Variants in TRPM8 observed in about 807,000 individuals in gnomAD.
TRPM8 encodes the protein TRPM8 cationic channel.
In TRPM8, 110 loss-of-function variants were observed where a neutral mutation model predicts 133.7. The observed-to-expected ratio is 0.82, with a 90% CI of 0.70 to 0.96. The LOEUF (loss-of-function observed/expected upper bound fraction) is 0.96. TRPM8 is among the 40% of genes least tolerant of loss of function. The pLI is 0.00. For synonymous variants in TRPM8, 535 were observed against 532.3 expected (o/e 1.01, Z -0.07); for missense variants, 1,291 against 1,379.5 (o/e 0.94, Z 1.02).
intron 9 of TRPM8, among the ~76,000 whole-genome samples, chr2:233,950,912 T>G (rs947826723): frequency 1.3e-5 from 2 of 152,164 alleles, no homozygotes; most frequent in African/African-American, 4.8e-5. Context: ...TCTGAACATA[T>G]AAACAGGGCT....
chr2:234,009,553 C>G (rs1033543388), intron 24 of TRPM8, among the ~76,000 whole-genome samples: 2 of 152,102 alleles, frequency 1.3e-5, no homozygotes, highest in Admixed American at 1.3e-4. Flanking sequence ...TGACCTGACT[C>G]CTAGGGTCCA....
chr2:233,970,168 T>C, intron 16 of TRPM8, 42 bp from the exon 17 acceptor site: 2 of 1,572,088 alleles, frequency 1.3e-6, no homozygotes, highest in Middle Eastern at 1.7e-4. Flanking sequence ...GCCCGTCCCA[T>C]GCTTGCAAGG....
rs1225350357 is a variant in TRPM8 at position 233,927,762 on chromosome 2, CTTTCTTTCTTTCTTTCTTTCTTTCTTTCT to C, written c.117+1117_117+1145del. Among the ~76,000 whole-genome samples, 229 of 71,322 alleles carry C rather than the reference CTTTCTTTCTTTCTTTCTTTCTTTCTTTCT, an allele frequency of 3.2e-3. 19 individuals carry two copies. Among genetic ancestry groups the C allele is most frequent in the African/African-American group, 0.027 (173 of 6,482 alleles). The allele number at this position is 71,322 out of a possible 152,430, so 46.8% of individuals were successfully genotyped here. On this transcript the variant is annotated intron_variant, in intron 2 of 25. Coordinates refer to ENST00000324695, the MANE Select transcript of TRPM8 (RefSeq NM_024080.5). ...TCTTTCTTTCTTTCTTTCTTTCTTT[CTTTCTTTCTTTCTTTCTTTCTTTCTTTCT>C]TTTCTTTCCTTCCTTCCTTCCTTCC...
At chr2:233,928,999 TTTTTTTTTTA>T (rs1254560592) in intron 2 of TRPM8, among the ~76,000 whole-genome samples, 1 of 133,562 alleles carries the variant, frequency 7.5e-6, no homozygotes, top group East Asian at 3.3e-4. Context: ...TTTCTTTTCT[TTTTTTTTTTA>T]TTTTTTTGCT....
At chr2:233,955,896 G>A (rs944350030) in intron 11 of TRPM8, among the ~76,000 whole-genome samples, 10 of 152,246 alleles carry the variant, frequency 6.6e-5, no homozygotes, top group African/African-American at 2.2e-4. Context: ...GATCAGTGGC[G>A]GTATTCGATT....
chr2:233,984,461 T>C (rs1267902253), intron 20 of TRPM8, among the ~76,000 whole-genome samples: 1 of 152,228 alleles, frequency 6.6e-6, no homozygotes, highest in African/African-American at 2.4e-5. Context: ...GTCCACACAG[T>C]TGTGTGAACA....
Position 234,012,665 on chromosome 2 carries a change from GGGCATCCTTGC to G in TRPM8, c.3265-1896_3265-1886del, listed in dbSNP as rs551294496. 1.4e-3 allele frequency among the ~76,000 whole-genome samples: 220 copies of G among 152,172 alleles called. 2 individuals carry two copies. Among genetic ancestry groups the G allele is most frequent in the African/African-American group, 4.9e-3 (204 of 41,526 alleles). On this transcript the variant is annotated intron_variant, in intron 24 of 25. Transcript: ENST00000324695. The stretch of plus-strand genomic sequence containing the variant: ...TATGTTAAATAGCAGTGGTGAGAAT[GGGCATCCTTGC>G]CTTATTCTTGATCTTAGAGAAAAAG...
chr2:233,917,689 A>C (rs544567506), intron 1 of TRPM8, among the ~76,000 whole-genome samples: 1 of 152,338 alleles, frequency 6.6e-6, no homozygotes, highest in South Asian at 2.1e-4. Flanking sequence ...AATGACTTTA[A>C]ATATAATTAC....
At chr2:233,975,075 C>T (rs1691834086) in intron 17 of TRPM8, among the ~76,000 whole-genome samples, 1 of 152,162 alleles carries the variant, frequency 6.6e-6, no homozygotes, top group South Asian at 2.1e-4. Context: ...ATCAACCCCA[C>T]TGGGAGGTCC....
chr2:233,967,341 C>A (rs1204929935), intron 15 of TRPM8, among the ~76,000 whole-genome samples: 1 of 152,166 alleles, frequency 6.6e-6, no homozygotes, highest in Non-Finnish European at 1.5e-5. Flanking sequence ...CAGAGCAGAG[C>A]TTTTCACCCA....
At position 233,966,595 on chromosome 2, in the gene TRPM8, C is replaced by T. The variant is rs1691582243; in HGVS notation, c.1880-15C>T. On this transcript the variant is annotated splice_polypyrimidine_tract_variant and intron_variant, in intron 14 of 25. Coordinates refer to ENST00000324695, the MANE Select transcript of TRPM8 (RefSeq NM_024080.5). ...GCTCTTACACCAGCTTCTCTCTGTGCTGATGTCGCTGTAGAGCTGTTCACT... is the reference window on the plus strand; with the variant it reads ...GCTCTTACACCAGCTTCTCTCTGTGTTGATGTCGCTGTAGAGCTGTTCACT... 2 of 1,613,932 alleles carry T rather than the reference C, an allele frequency of 1.2e-6. No homozygotes were observed. The highest frequency in any genetic ancestry group is 1.7e-6 in the Non-Finnish European group (2 of 1,179,966).
intron 3 of TRPM8, chr2:233,934,094 A>G (rs916958119): frequency 6.0e-6 from 1 of 165,976 alleles, no homozygotes; most frequent in Admixed American, 6.5e-5. Context: ...ACTTTTGGTT[A>G]CAAGGAGCTC....
At chr2:233,959,489 G>C (rs112282250) in intron 11 of TRPM8, among the ~76,000 whole-genome samples, 3 of 150,804 alleles carry the variant, frequency 2.0e-5, no homozygotes, top group African/African-American at 7.3e-5. Flanking sequence ...TTTTAGTAGA[G>C]ATGTAGAGAT....
rs1329151776 is a variant in TRPM8 at position 233,945,947 on chromosome 2, A to G, written c.791A>G (p.Asp264Gly). ...AACCACACACATTTGCTGCTCGTGG[A>G]CAATGGCTGTCATGGACATCCCACT... ...DNNHTHLLLV[D>G]NGCHGHPTVE... The change falls in exon 7 of 26, where the codon GAC (aspartate) becomes GGC (glycine). Residue 264 changes from aspartate to glycine, a missense_variant. Asp to Gly is a moderately conservative substitution (Grantham distance 94). Transcript: ENST00000324695. 4 of 1,614,078 alleles carry G rather than the reference A, an allele frequency of 2.5e-6. No individual in the cohort carries two copies. The African/African-American group carries it at 5.3e-5, about 22-fold the overall frequency.
chr2:233,936,120 G>A (rs982014262), intron 3 of TRPM8, among the ~76,000 whole-genome samples: 2 of 152,082 alleles, frequency 1.3e-5, no homozygotes, highest in South Asian at 2.1e-4. Flanking sequence ...ACAGGGGAGG[G>A]GCTGTGCGAG....
intron 21 of TRPM8, among the ~76,000 whole-genome samples, chr2:233,992,499 C>G (rs538613245): frequency 1.1e-4 from 17 of 152,108 alleles, no homozygotes; most frequent in Non-Finnish European, 2.4e-4. Context: ...GATCTGAATT[C>G]TAAACGTCTG....
intron 2 of TRPM8, among the ~76,000 whole-genome samples, chr2:233,928,617 G>T (rs927899189): frequency 2.0e-5 from 3 of 152,062 alleles, no homozygotes; most frequent in Non-Finnish European, 4.4e-5. Flanking sequence ...AGTAAAAATG[G>T]GCATCACAGA....
intron 15 of TRPM8, 65 bp downstream of exon 15, chr2:233,966,820 G>A (rs953687618): frequency 9.0e-6 from 13 of 1,444,658 alleles, no homozygotes; most frequent in Non-Finnish European, 1.2e-5. Flanking sequence ...GATGCTACTA[G>A]CAGCATTAAA....
At chr2:233,941,950 C>T (rs1690914010) in intron 5 of TRPM8, among the ~76,000 whole-genome samples, 1 of 151,990 alleles carries the variant, frequency 6.6e-6, no homozygotes, top group Admixed American at 6.6e-5. Flanking sequence ...TGCTTAGAGG[C>T]TCTGGTTAGA....
Sources: allele counts gnomAD v4.1 joint callset (sites outside exome capture counted in the v4.1 genomes callset), GRCh38; gene constraint gnomAD v4.1.1; transcripts MANE v1.5; gene names NCBI Gene and HGNC (gene_info 2026-07-23, HGNC 2026-07-21).